The following TMEM114 variants were observed in gnomAD, a reference collection of about 807,000 sequenced individuals.
The protein encoded by TMEM114 is transmembrane protein 114.
Under a neutral mutation model 6.2 loss-of-function variants are expected in TMEM114, and 6 were observed. The ratio of observed to expected loss-of-function variants is 0.97; its 90% CI spans 0.53 to 1.91. TMEM114 has a LOEUF of 1.91. TMEM114 is among the 40% of genes most tolerant of loss of function. The pLI is 0.01. For missense variants in TMEM114, 218 were observed against 158.3 expected, an observed-to-expected ratio of 1.38 and a Z score of -2.02; for synonymous variants, 104 against 73.0, an observed-to-expected ratio of 1.42 and a Z score of -2.16.
At chr16:8,541,510 C>T (rs555709258) in intron 2 of TMEM114, among the ~76,000 whole-genome samples, 1 of 152,204 alleles carries the variant, frequency 6.6e-6, no homozygotes, top group African/African-American at 2.4e-5. Flanking sequence ...GGGGAAAGAT[C>T]TCAGTGTAAC....
intron 2 of TMEM114, among the ~76,000 whole-genome samples, chr16:8,554,027 C>T (rs760540742): frequency 5.9e-5 from 9 of 152,082 alleles, no homozygotes; most frequent in Middle Eastern, 3.4e-3. Flanking sequence ...TACAGGCATG[C>T]GCCACCACAC....
chr16:8,549,089 G>T (rs1900760617), intron 2 of TMEM114, among the ~76,000 whole-genome samples: 1 of 151,050 alleles, frequency 6.6e-6, no homozygotes, highest in African/African-American at 2.4e-5. Flanking sequence ...GGCTGAGGCA[G>T]GAGAATGGCG....
chr16:8,555,963 A>G (rs1231799267), intron 2 of TMEM114, among the ~76,000 whole-genome samples: 1 of 152,194 alleles, frequency 6.6e-6, no homozygotes, highest in African/African-American at 2.4e-5. Flanking sequence ...ATGTCCCCAC[A>G]GTGTCTGAAG....
chr16:8,578,140 T>TG (rs199983970), intron 2 of TMEM114, among the ~76,000 whole-genome samples: 1 of 151,862 alleles, frequency 6.6e-6, no homozygotes. Context: ...GCAGTGGCGG[T>TG]GGGGGGGCCT....
chr16:8,589,920 A>G lies in TMEM114; in HGVS notation c.-82T>C. Reference sequence around the variant, plus strand: ...CTCCTGCCCCCGTCCCCAGCCGGCCACCGCGGGCTCCCAGCTCCACCGCCG... The same window carrying G: ...CTCCTGCCCCCGTCCCCAGCCGGCCGCCGCGGGCTCCCAGCTCCACCGCCG... On this transcript the variant is annotated 5_prime_UTR_variant, in exon 1 of 4. Coordinates refer to ENST00000620492, the MANE Select transcript of TMEM114 (RefSeq NM_001146336.2). 1 of 389,914 alleles carries G rather than the reference A, an allele frequency of 2.6e-6. No homozygotes were observed. The highest frequency in any genetic ancestry group is 4.5e-6 in the Non-Finnish European group (1 of 221,192). The allele number at this position is 389,914 out of a possible 1,614,324, so 24.2% of individuals were successfully genotyped here. A position where few individuals can be genotyped will look rare whatever the true frequency, so the allele number is the denominator to read the frequency against.
chr16:8,532,880 C>T (rs763625511), downstream of TMEM114, among the ~76,000 whole-genome samples: 17 of 152,170 alleles, frequency 1.1e-4, no homozygotes, highest in Middle Eastern at 3.4e-3. Flanking sequence ...GCCGAGATCA[C>T]GCCACTGCAC....
At position 8,585,953 on chromosome 16, in the gene TMEM114, G is replaced by A. The variant is rs534728868; in HGVS notation, c.301+3260C>T. ...CTGCGGGTTAGCCCTAGGACTGAGG[G>A]TGAACGAGTGAATAGACTGTGGATG... is the stretch of plus-strand genomic sequence containing the variant. On this transcript the variant is annotated intron_variant, in intron 2 of 3. Coordinates refer to ENST00000620492, the MANE Select transcript of TMEM114 (RefSeq NM_001146336.2). Among the ~76,000 whole-genome samples, 3 of 152,204 alleles carry A rather than the reference G, an allele frequency of 2.0e-5. No homozygotes were observed. In the East Asian group the frequency reaches 5.8e-4, roughly 29 times the overall value.
downstream of TMEM114, among the ~76,000 whole-genome samples, chr16:8,534,972 T>C (rs1234030764): frequency 1.3e-5 from 2 of 152,212 alleles, no homozygotes; most frequent in Non-Finnish European, 2.9e-5. Flanking sequence ...CATCATCCCC[T>C]TCTCCATCGG....
chr16:8,561,511 C>G (rs1447898379), intron 2 of TMEM114, among the ~76,000 whole-genome samples: 2 of 152,240 alleles, frequency 1.3e-5, no homozygotes. Context: ...TTTTGAGTCA[C>G]TTTTGTTCAC....
rs374497803 is a variant in TMEM114, at chr16:8,544,454, T to C, written n.213-6628A>G. ...TTTGAGCAGGGTCTTAATGGATATG[T>C]AGGGGTTCACCAGTAGAAGAAACAA... On this transcript the variant is annotated intron_variant and non_coding_transcript_variant, in intron 2 of 2. Transcript: ENST00000623677. Among the ~76,000 whole-genome samples the C allele has an allele frequency of 3.9e-5, 6 of 152,310 alleles. No homozygotes were observed. The South Asian group carries it at 6.2e-4, about 16-fold the overall frequency.
chr16:8,542,646 G>T (rs143584504), intron 2 of TMEM114, among the ~76,000 whole-genome samples: 2 of 152,168 alleles, frequency 1.3e-5, no homozygotes, highest in East Asian at 1.9e-4. Flanking sequence ...AGCAACAGGG[G>T]TAGGAGTGTG....
intron 2 of TMEM114, among the ~76,000 whole-genome samples, chr16:8,547,173 T>C (rs2141654806): frequency 6.6e-6 from 1 of 152,132 alleles, no homozygotes; most frequent in South Asian, 2.1e-4. Flanking sequence ...CAAGGAATTT[T>C]TGAGCTGAAA....
chr16:8,572,031 C>A, intron 3 of TMEM114, 56 bp downstream of exon 3: 2 of 1,473,864 alleles, frequency 1.4e-6, no homozygotes, highest in Non-Finnish European at 1.8e-6. Context: ...ATACACAGTA[C>A]CCATTGCCCA....
chr16:8,562,898 G>T (rs1350660705), intron 2 of TMEM114, among the ~76,000 whole-genome samples: 5 of 149,274 alleles, frequency 3.3e-5, no homozygotes, highest in Non-Finnish European at 6.0e-5. Flanking sequence ...GGGAATGAGT[G>T]AATGAGTGAG....
At chr16:8,560,917 G>A (rs1901177372) in intron 2 of TMEM114, among the ~76,000 whole-genome samples, 1 of 152,194 alleles carries the variant, frequency 6.6e-6, no homozygotes, top group Admixed American at 6.5e-5. Context: ...GTTCCACGTG[G>A]CTGGGGAGGC....
intron 2 of TMEM114, among the ~76,000 whole-genome samples, chr16:8,560,630 T>TC (rs1463213295): frequency 3.9e-5 from 6 of 152,136 alleles, no homozygotes; most frequent in Non-Finnish European, 5.9e-5. Flanking sequence ...CACCCTGGTT[T>TC]CTCTCACTAT....
intron 2 of TMEM114, among the ~76,000 whole-genome samples, chr16:8,554,904 G>A (rs1900959421): frequency 6.6e-6 from 1 of 152,234 alleles, no homozygotes. Context: ...ACAGCTGGGT[G>A]TTCAAATGCC....
At chr16:8,568,871 G>A (rs569031653), downstream of TMEM114, among the ~76,000 whole-genome samples, 4 of 152,216 alleles carry the variant, frequency 2.6e-5, no homozygotes, top group East Asian at 7.7e-4. Flanking sequence ...AAGATACCCA[G>A]GTGATTCTAA....
chr16:8,527,016 T>C, the TMEM114 span, among the ~76,000 whole-genome samples: 1 of 152,162 alleles, frequency 6.6e-6, no homozygotes, highest in African/African-American at 2.4e-5. Flanking sequence ...AAGACCAGCC[T>C]GGCCAACATG....
Sources: allele counts gnomAD v4.1 joint callset (sites outside exome capture counted in the v4.1 genomes callset), GRCh38; gene constraint gnomAD v4.1.1; transcripts MANE v1.5; gene names NCBI Gene and HGNC (gene_info 2026-07-23, HGNC 2026-07-21).